The following C3orf33 variants were observed in gnomAD, a reference collection of about 807,000 sequenced individuals.
C3orf33 encodes mitochondrial inner membrane subdomain organizer 1.
Under a neutral mutation model 28.7 loss-of-function variants are expected in C3orf33, and 23 were observed. That is an observed-to-expected ratio of 0.80 (90% CI 0.58 to 1.13). The LOEUF is 1.13. Among genes scored for constraint, C3orf33 ranks in the 50% most tolerant of loss-of-function variants. The probability of loss-of-function intolerance (pLI) is 0.00; values close to 1 mark genes in which losing one functional copy is unlikely to be tolerated. For missense variants in C3orf33, 327 were observed against 353.4 expected (o/e 0.93, Z 0.60); for synonymous variants, 119 against 120.5 (o/e 0.99, Z 0.08).
intron 3 of C3orf33, among the ~76,000 whole-genome samples, chr3:155,773,856 T>C (rs141776052): frequency 1.6e-4 from 25 of 152,356 alleles, no homozygotes; most frequent in African/African-American, 5.3e-4. Flanking sequence ...GTGTAAATCC[T>C]GCTTAGAGCT....
At chr3:155,765,140 T>C (rs1480205655) in intron 4 of C3orf33, among the ~76,000 whole-genome samples, 1 of 152,228 alleles carries the variant, frequency 6.6e-6, no homozygotes, top group Non-Finnish European at 1.5e-5. Flanking sequence ...TAGCATAGTT[T>C]GGTCACCCAG....
intron 2 of C3orf33, among the ~76,000 whole-genome samples, chr3:155,785,755 T>C (rs903754561): frequency 6.6e-6 from 1 of 151,842 alleles, no homozygotes; most frequent in Non-Finnish European, 1.5e-5. Flanking sequence ...AAAAGAAAAA[T>C]AGTCCAGATG....
chr3:155,806,017 C>G, intron 1 of C3orf33, 122 bp downstream of exon 1: 1 of 639,900 alleles, frequency 1.6e-6, no homozygotes, highest in East Asian at 3.2e-5. Flanking sequence ...AGCTCATTCC[C>G]CCGCAGTTTT....
At chr3:155,763,964 G>A (rs1049443950) in intron 4 of C3orf33, 46 bp from the exon 5 acceptor site, 5 of 1,243,618 alleles carry the variant, frequency 4.0e-6, no homozygotes, top group Non-Finnish European at 5.2e-6. Flanking sequence ...GATAATTGTT[G>A]TTATACCCAT....
chr3:155,769,501 A>AAAAAG (rs1310949707), intron 3 of C3orf33, among the ~76,000 whole-genome samples: 48 of 149,352 alleles, frequency 3.2e-4, no homozygotes, highest in Admixed American at 2.6e-3. Flanking sequence ...AAAAAAAAAA[A>AAAAAG]AAGAAGAAGA....
In C3orf33 at chr3:155,763,930, AAAT is replaced by A. The variant is rs751458858; in HGVS notation, c.484-15_484-13del. ...CTGAAATATCCACCCTTGAATTTAA[AAAT>A]AATACAAACCAATTATTTAAGATAA... On this transcript the variant is annotated splice_polypyrimidine_tract_variant and intron_variant, in intron 4 of 4. Coordinates refer to ENST00000340171, the MANE Select transcript of C3orf33 (RefSeq NM_001308229.2). 1.5e-6 allele frequency: 2 copies of A among 1,379,062 alleles called. No homozygotes were observed. The highest frequency in any genetic ancestry group is 3.9e-5 in the South Asian group (2 of 51,352). The allele number at this position is 1,379,062 out of a possible 1,614,324, so 85.4% of individuals were successfully genotyped here.
intron 2 of C3orf33, among the ~76,000 whole-genome samples, chr3:155,789,219 C>G (rs1263089177): frequency 1.3e-5 from 2 of 151,864 alleles, no homozygotes; most frequent in Non-Finnish European, 2.9e-5. Flanking sequence ...GTGGCAGGCG[C>G]TTGTAATCCT....
chr3:155,799,155 C>T (rs1211868117), intron 2 of C3orf33, among the ~76,000 whole-genome samples: 1 of 152,096 alleles, frequency 6.6e-6, no homozygotes, highest in East Asian at 1.9e-4. Flanking sequence ...AGGAAACCTT[C>T]GTACACTGTT....
Position 155,806,243 on chromosome 3 carries a change from GC to G in C3orf33, c.9del (p.Gln4SerfsTer33). The G allele has an allele frequency of 1.4e-6, 2 of 1,453,810 alleles. No individual in the cohort carries two copies. The highest frequency in any genetic ancestry group is 2.1e-5 in the Admixed American group (1 of 46,816). 90.1% of individuals were successfully genotyped at this position (1,453,810 alleles called of 1,614,324 possible). A position where few individuals can be genotyped will look rare whatever the true frequency, so the allele number is the denominator to read the frequency against. MA[G>X]QPAATGSPSA... is the part of the protein sequence containing the mutation. The stretch of plus-strand genomic sequence containing the variant: ...GACGGCGAGCCGGTGGCCGCGGGCT[GC>G]CCCGCCATGTTCCCGGCCTCCTGCG... On this transcript the variant is annotated frameshift_variant, in exon 1 of 5. Coordinates refer to ENST00000340171, the MANE Select transcript of C3orf33 (RefSeq NM_001308229.2). LOFTEE classifies it high-confidence loss of function.
chr3:155,784,796 A>C (rs1577425793), intron 2 of C3orf33, among the ~76,000 whole-genome samples: 2 of 151,342 alleles, frequency 1.3e-5, no homozygotes, highest in East Asian at 3.9e-4. Context: ...ATACAAAAAC[A>C]CAGTAATGCA....
At chr3:155,805,787 T>A in intron 1 of C3orf33, 1 of 488,094 alleles carries the variant, frequency 2.0e-6, no homozygotes, top group Non-Finnish European at 3.9e-6. Context: ...GTACAGGACT[T>A]CCCTGCTCTT....
chr3:155,766,224 T>C (rs1180934338), intron 4 of C3orf33, among the ~76,000 whole-genome samples: 2 of 152,162 alleles, frequency 1.3e-5, no homozygotes, highest in African/African-American at 4.8e-5. Flanking sequence ...AATATCATAG[T>C]ATGATCAAGG....
intron 2 of C3orf33, among the ~76,000 whole-genome samples, chr3:155,797,608 T>G (rs1751518290): frequency 6.6e-6 from 1 of 152,198 alleles, no homozygotes; most frequent in South Asian, 2.1e-4. Flanking sequence ...TTCAGTACAG[T>G]TGCAGGATAC....
At chr3:155,779,637 A>T (rs1750858196) in intron 2 of C3orf33, among the ~76,000 whole-genome samples, 1 of 152,164 alleles carries the variant, frequency 6.6e-6, no homozygotes, top group Non-Finnish European at 1.5e-5. Flanking sequence ...ACTGGAGCAA[A>T]GCCAGAAGAA....
At chr3:155,797,626 A>G (rs1339874509) in intron 2 of C3orf33, among the ~76,000 whole-genome samples, 2 of 152,264 alleles carry the variant, frequency 1.3e-5, no homozygotes, top group Non-Finnish European at 1.5e-5. Context: ...TACAATATCA[A>G]TATATAAAAA....
chr3:155,786,966 C>G (rs1480260669), intron 2 of C3orf33, among the ~76,000 whole-genome samples: 1 of 152,208 alleles, frequency 6.6e-6, no homozygotes, highest in African/African-American at 2.4e-5. Context: ...AGCCCTGGAT[C>G]TGACAGCATC....
chr3:155,772,732 G>T (rs955585805), intron 3 of C3orf33, among the ~76,000 whole-genome samples: 1 of 150,864 alleles, frequency 6.6e-6, no homozygotes, highest in Non-Finnish European at 1.5e-5. Context: ...TTGGAGGAAT[G>T]AAGTATTCTA....
chr3:155,780,322 A>G (rs1053892254), intron 2 of C3orf33, among the ~76,000 whole-genome samples: 9 of 152,228 alleles, frequency 5.9e-5, no homozygotes. Flanking sequence ...GACAAAGAAA[A>G]TAAGGGTTTC....
At chr3:155,784,241 T>C (rs1751032298) in intron 2 of C3orf33, among the ~76,000 whole-genome samples, 1 of 152,130 alleles carries the variant, frequency 6.6e-6, no homozygotes, top group Admixed American at 6.6e-5. Context: ...AGTTTATGCT[T>C]TTTTTATATC....
Sources: allele counts gnomAD v4.1 joint callset (sites outside exome capture counted in the v4.1 genomes callset), GRCh38; gene constraint gnomAD v4.1.1; transcripts MANE v1.5; gene names NCBI Gene and HGNC (gene_info 2026-07-23, HGNC 2026-07-21).